Variants in CFAP144 observed in about 807,000 individuals in gnomAD.
CFAP144 encodes the protein cilia and flagella associated protein 144, also known as cilia- and flagella-associated protein 144.
At chr1:43,150,653 A>G in the CFAP144 span, 3 of 900,498 alleles carry the variant, frequency 3.3e-6, no homozygotes, top group Non-Finnish European at 5.4e-6. Context: ...GGCATGTACC[A>G]GATACTCAGT....
chr1:43,148,254 C>T, the CFAP144 span, among the ~76,000 whole-genome samples: 1 of 152,018 alleles, frequency 6.6e-6, no homozygotes, highest in African/African-American at 2.4e-5. Flanking sequence ...CACATCATAT[C>T]AGATGTATTC....
chr1:43,144,594 T>A, the CFAP144 span, among the ~76,000 whole-genome samples: 38 of 152,136 alleles, frequency 2.5e-4, no homozygotes, highest in Admixed American at 1.0e-3. Context: ...TAGTCTTCTG[T>A]GCCATCCCAC....
At chr1:43,155,502 T>G in the CFAP144 span, among the ~76,000 whole-genome samples, 1 of 152,200 alleles carries the variant, frequency 6.6e-6, no homozygotes, top group Non-Finnish European at 1.5e-5. Flanking sequence ...CTGCAAATAT[T>G]CCATGCTGTT....
At chr1:43,144,796 T>C in the CFAP144 span, among the ~76,000 whole-genome samples, 1 of 152,118 alleles carries the variant, frequency 6.6e-6, no homozygotes. Context: ...TAGCCCTTGT[T>C]TCTAATCCCC....
At chr1:43,154,262 T>G in the CFAP144 span, among the ~76,000 whole-genome samples, 5 of 144,690 alleles carry the variant, frequency 3.5e-5, no homozygotes, top group African/African-American at 1.2e-4. Flanking sequence ...TAAATAAAAT[T>G]TTATATAAAA....
At chr1:43,142,991 T>C in the CFAP144 span, among the ~76,000 whole-genome samples, 1 of 152,176 alleles carries the variant, frequency 6.6e-6, no homozygotes, top group African/African-American at 2.4e-5. Context: ...GGAGTGCATG[T>C]GCAGGTTTGT....
the CFAP144 span, chr1:43,156,104 C>G: frequency 3.3e-6 from 3 of 915,920 alleles, no homozygotes; most frequent in Non-Finnish European, 5.4e-6. Flanking sequence ...CAGCCACAGG[C>G]TGGGAGGGTG....
the CFAP144 span, among the ~76,000 whole-genome samples, chr1:43,143,942 A>C: frequency 0.37 from 56,111 of 152,104 alleles, 11,687 homozygotes; most frequent in African/African-American, 0.56. Context: ...AAGGGACTTC[A>C]TTCTCTGGTC....
chr1:43,148,380 G>A, the CFAP144 span, among the ~76,000 whole-genome samples: 2 of 152,120 alleles, frequency 1.3e-5, no homozygotes, highest in South Asian at 4.1e-4. Flanking sequence ...GGCTGTTTGT[G>A]TTTTGTTTTT....
At chr1:43,143,952 C>T in the CFAP144 span, among the ~76,000 whole-genome samples, 1 of 152,244 alleles carries the variant, frequency 6.6e-6, no homozygotes, top group South Asian at 2.1e-4. Flanking sequence ...ATTCTCTGGT[C>T]TTCACCGTCC....
the CFAP144 span, chr1:43,147,693 C>T: frequency 1.2e-6 from 1 of 854,204 alleles, no homozygotes; most frequent in Non-Finnish European, 1.4e-6. Flanking sequence ...AGTAACCAGC[C>T]GGGCCTGAGG....
At chr1:43,152,756 G>C in the CFAP144 span, 1 of 1,437,288 alleles carries the variant, frequency 7.0e-7, no homozygotes, top group Non-Finnish European at 9.3e-7. Flanking sequence ...CAATGTGGAC[G>C]CAGGAAAGGG....
chr1:43,150,627 AC>A, the CFAP144 span: 4 of 730,702 alleles, frequency 5.5e-6, no homozygotes, highest in Non-Finnish European at 9.4e-6. Flanking sequence ...TTATCCTAGC[AC>A]CCAGGATAAT....
chr1:43,148,174 C>T, the CFAP144 span: 1 of 1,393,714 alleles, frequency 7.2e-7, no homozygotes, highest in Non-Finnish European at 9.7e-7. Flanking sequence ...GGAACGCGGT[C>T]CCAGCAAAAA....
At chr1:43,153,496 C>T in the CFAP144 span, among the ~76,000 whole-genome samples, 1 of 152,002 alleles carries the variant, frequency 6.6e-6, no homozygotes, top group Non-Finnish European at 1.5e-5. Flanking sequence ...TATAGTCCAG[C>T]TACTGGGGAG....
the CFAP144 span, chr1:43,145,021 C>G: frequency 1.8e-6 from 1 of 541,552 alleles, no homozygotes; most frequent in East Asian, 3.1e-5. Flanking sequence ...GACAGGACCC[C>G]TTTTCCATGA....
the CFAP144 span, chr1:43,147,978 G>A: frequency 1.4e-4 from 229 of 1,614,034 alleles, no homozygotes; most frequent in East Asian, 4.5e-3. Context: ...AAGAGAAGGT[G>A]ATTCCAGATG....
chr1:43,152,466 C>T, the CFAP144 span, among the ~76,000 whole-genome samples: 77 of 152,270 alleles, frequency 5.1e-4, no homozygotes, highest in African/African-American at 1.8e-3. Context: ...TGCACATGAC[C>T]CTTCACCTAT....
chr1:43,152,940 G>T, the CFAP144 span: 4 of 1,608,350 alleles, frequency 2.5e-6, no homozygotes, highest in Admixed American at 6.8e-5. Flanking sequence ...TGGTAAGCGT[G>T]GCTCCTTCCT....
Sources: gnomAD v4.1 joint callset for allele counts (sites outside exome capture counted in the v4.1 genomes callset) on GRCh38, gnomAD v4.1.1 for gene constraint, MANE v1.5 for transcripts, NCBI Gene and HGNC (gene_info 2026-07-23, HGNC 2026-07-21) for gene names.